The following RPS6KA2 variants were observed in gnomAD, a reference collection of about 807,000 sequenced individuals.
The protein encoded by RPS6KA2 is ribosomal protein S6 kinase A2.
A neutral mutation model predicts 91.8 loss-of-function variants in RPS6KA2; 42 were observed. The ratio of observed to expected loss-of-function variants is 0.46; its 90% CI spans 0.36 to 0.59. RPS6KA2 has a LOEUF of 0.59. RPS6KA2 is among the 20% of genes least tolerant of loss of function. The pLI, the probability that RPS6KA2 is intolerant of heterozygous loss-of-function variation, is 0.00. For synonymous variants in RPS6KA2, 414 were observed against 393.6 expected (o/e 1.05, Z -0.61); for missense variants, 798 against 978.5 (o/e 0.82, Z 2.46).
At chr6:166,845,976 G>GA (rs1291152467) in intron 2 of RPS6KA2, among the ~76,000 whole-genome samples, 2 of 151,756 alleles carry the variant, frequency 1.3e-5, no homozygotes, top group South Asian at 4.2e-4. Flanking sequence ...GATTAACCAA[G>GA]AAAAAAAGAG....
chr6:166,700,498 A>C (rs1043058336), intron 2 of RPS6KA2, among the ~76,000 whole-genome samples: 3 of 152,202 alleles, frequency 2.0e-5, no homozygotes, highest in Non-Finnish European at 2.9e-5. Context: ...TTTCAAAAAA[A>C]AAAGAACAAT....
chr6:166,625,336 C>T (rs1488645808), intron 1 of RPS6KA2, among the ~76,000 whole-genome samples: 3 of 114,792 alleles, frequency 2.6e-5, no homozygotes, highest in African/African-American at 6.5e-5. Context: ...CCCCCACCCC[C>T]CCCCCCGCTT....
chr6:166,862,338 C>G, exon 1 of RPS6KA2: 2 of 1,467,746 alleles, frequency 1.4e-6, no homozygotes, highest in Non-Finnish European at 1.8e-6. Context: ...CAGAGGAGGT[C>G]GTGAGCGCGG....
intron 2 of RPS6KA2, chr6:166,702,415 TTTGTCTAGTGC>T: frequency 6.3e-7 from 1 of 1,599,264 alleles, no homozygotes; most frequent in Non-Finnish European, 8.6e-7. Context: ...ATCCATTCAG[TTTGTCTAGTGC>T]TTGTCTAGCG....
At chr6:166,505,016 G>C (rs1391463502) in intron 5 of RPS6KA2, among the ~76,000 whole-genome samples, 1 of 152,186 alleles carries the variant, frequency 6.6e-6, no homozygotes, top group African/African-American at 2.4e-5. Context: ...GGCTTGATGA[G>C]GTGACTGAAA....
At position 166,627,026 on chromosome 6, in the gene RPS6KA2, G is replaced by T. The variant is rs555296153; in HGVS notation, c.-7C>A. ...TCTTCATGCTCAGGTCCATCGCCCC[G>T]CGCCCAGCCCGGAGCAGCCGCAGGG... is the stretch of plus-strand genomic sequence containing the variant. On this transcript the variant is annotated 5_prime_UTR_variant, in exon 1 of 21. Coordinates refer to ENST00000265678, the MANE Select transcript of RPS6KA2 (RefSeq NM_021135.6). The T allele has an allele frequency of 1.4e-6, 2 of 1,471,772 alleles. No individual in the cohort carries two copies. The highest frequency in any genetic ancestry group is 1.8e-6 in the Non-Finnish European group (2 of 1,101,856). 91.2% of individuals were successfully genotyped at this position (1,471,772 alleles called of 1,614,324 possible). A position where few individuals can be genotyped will look rare whatever the true frequency, so the allele number is the denominator to read the frequency against.
At chr6:166,452,863 T>G (rs1158409937) in intron 12 of RPS6KA2, among the ~76,000 whole-genome samples, 1 of 152,146 alleles carries the variant, frequency 6.6e-6, no homozygotes, top group Non-Finnish European at 1.5e-5. Flanking sequence ...GAATAAATCC[T>G]AGAGAAAACT....
At chr6:166,762,455 C>T (rs1778202856) in intron 2 of RPS6KA2, among the ~76,000 whole-genome samples, 1 of 152,178 alleles carries the variant, frequency 6.6e-6, no homozygotes, top group Non-Finnish European at 1.5e-5. Context: ...CCCACGGCAC[C>T]TGGCGTAGTC....
intron 2 of RPS6KA2, among the ~76,000 whole-genome samples, chr6:166,695,177 G>A (rs1377956769): frequency 6.6e-6 from 1 of 152,170 alleles, no homozygotes; most frequent in Non-Finnish European, 1.5e-5. Context: ...CTTGAACCCA[G>A]GTTGGAGAGA....
At chr6:166,678,184 C>A (rs1788670928) in intron 2 of RPS6KA2, among the ~76,000 whole-genome samples, 1 of 152,204 alleles carries the variant, frequency 6.6e-6, no homozygotes, top group Admixed American at 6.5e-5. Flanking sequence ...CTCCTGCCAG[C>A]CAGAGCCTCC....
chr6:166,469,472 A>G (rs1780673938), intron 11 of RPS6KA2, among the ~76,000 whole-genome samples: 1 of 152,130 alleles, frequency 6.6e-6, no homozygotes, highest in African/African-American at 2.4e-5. Context: ...TTGTCTGTTC[A>G]GCCCTTGAGG....
chr6:166,839,684 A>AGGG lies in RPS6KA2; in HGVS notation c.123+18515_123+18516insCCC, dbSNP rs1360878613. ...AGAGGGAGGTGGAAATCAGAGCAGG[A>AGGG]GAGGAGAGGGGAGGAGAGGAGAGGA... On this transcript the variant is annotated intron_variant, in intron 2 of 21. Transcript: ENST00000503859. Among the ~76,000 whole-genome samples, 24 of 23,836 alleles carry AGGG rather than the reference A, an allele frequency of 1.0e-3. 2 individuals are homozygous for AGGG. Among genetic ancestry groups the AGGG allele is most frequent in the African/African-American group, 1.4e-3 (8 of 5,838 alleles). 15.6% of individuals were successfully genotyped at this position (23,836 alleles called of 152,430 possible). A position where few individuals can be genotyped will look rare whatever the true frequency, so the allele number is the denominator to read the frequency against.
At chr6:166,680,228 A>G (rs975321049) in intron 2 of RPS6KA2, among the ~76,000 whole-genome samples, 2 of 151,380 alleles carry the variant, frequency 1.3e-5, no homozygotes, top group Admixed American at 6.6e-5. Flanking sequence ...GATTGTAAAC[A>G]CACCAATCAG....
At chr6:166,582,603 T>C (rs1785056776) in intron 1 of RPS6KA2, among the ~76,000 whole-genome samples, 1 of 152,248 alleles carries the variant, frequency 6.6e-6, no homozygotes, top group Non-Finnish European at 1.5e-5. Flanking sequence ...ATTCATAACA[T>C]AGATGCATAC....
chr6:166,682,143 C>T (rs550632032), intron 2 of RPS6KA2, among the ~76,000 whole-genome samples: 48 of 152,272 alleles, frequency 3.2e-4, no homozygotes, highest in African/African-American at 1.1e-3. Flanking sequence ...AAATATGTTT[C>T]AGAATAAACT....
At chr6:166,593,844 T>G (rs573694515) in intron 1 of RPS6KA2, among the ~76,000 whole-genome samples, 2 of 152,334 alleles carry the variant, frequency 1.3e-5, no homozygotes, top group East Asian at 3.9e-4. Context: ...TGTGTCAAAC[T>G]TCTATAAATG....
Position 166,713,896 on chromosome 6 carries a change from C to T in RPS6KA2, c.123+144304G>A, listed in dbSNP as rs535276157. 3.4e-4 allele frequency among the ~76,000 whole-genome samples: 52 copies of T among 152,264 alleles called. 1 individual carries two copies. Among genetic ancestry groups the T allele is most frequent in the African/African-American group, 9.6e-4 (40 of 41,542 alleles). On this transcript the variant is annotated intron_variant, in intron 2 of 21. Coordinates refer to the RPS6KA2 transcript ENST00000503859. ...TTGTTAGTGCGCCCCTCATAGTCAG[C>T]GGTCACCACACCCTGTCACCCACGT...
rs1161046031 is a variant in RPS6KA2, at chr6:166,639,832, G to T, written c.124-101048C>A. On this transcript the variant is annotated intron_variant, in intron 2 of 21. Transcript: ENST00000503859. This position sits in a 1 kb window ranked among gnomAD's most constrained non-coding sequence, Gnocchi z 4.2. Reference sequence around the variant, plus strand: ...CACAGGCCCTGTTGGGGTCTCTCCTGGGTTCCTCTAGTTTGCTCACTGTGC... The same window carrying T: ...CACAGGCCCTGTTGGGGTCTCTCCTTGGTTCCTCTAGTTTGCTCACTGTGC... 6.6e-6 allele frequency among the ~76,000 whole-genome samples: 1 copy of T among 151,710 alleles called. No homozygotes were observed. The highest frequency in any genetic ancestry group is 1.5e-5 in the Non-Finnish European group (1 of 67,948).
At chr6:166,808,450 C>T (rs1779548081) in intron 2 of RPS6KA2, among the ~76,000 whole-genome samples, 1 of 152,142 alleles carries the variant, frequency 6.6e-6, no homozygotes, top group South Asian at 2.1e-4. Context: ...CATGGTCTGT[C>T]TCACCCCACT....
Sources: gnomAD v4.1 joint callset for allele counts (sites outside exome capture counted in the v4.1 genomes callset) on GRCh38, gnomAD v4.1.1 for gene constraint, Gnocchi (gnomAD v3.1) non-coding constraint, MANE v1.5 for transcripts, NCBI Gene and HGNC (gene_info 2026-07-23, HGNC 2026-07-21) for gene names.